TAF5: variants seen among roughly 807,000 people sequenced by gnomAD.
The protein encoded by TAF5 is transcription initiation factor TFIID subunit 5.
A neutral mutation model predicts 80.9 loss-of-function variants in TAF5; 20 were observed. That is an observed-to-expected ratio of 0.25 (90% confidence interval 0.17 to 0.36). TAF5 has a LOEUF of 0.36. Among genes scored for constraint, TAF5 ranks in the 10% least tolerant of loss-of-function variants. TAF5 has a pLI of 1.00. For synonymous variants in TAF5, 388 were observed against 406.4 expected (o/e 0.95, Z 0.55); for missense variants, 863 against 1,029.4 (o/e 0.84, Z 2.21).
chr10:103,368,371 G>A lies in TAF5; in HGVS notation c.382G>A (p.Ala128Thr). The A allele has an allele frequency of 1.3e-6, 2 of 1,562,906 alleles. No homozygotes were observed. The highest frequency in any genetic ancestry group is 1.2e-5 in the South Asian group (1 of 86,540). The part of the protein sequence containing the change: ...REAGLLEEAV[A>T]GSGAPGEVDS... ...GGCCGGGCTGCTGGAGGAGGCAGTG[G>A]CGGGCTCCGGAGCCCCGGGAGAGGT... Residue 128 changes from alanine to threonine, a missense_variant, in exon 1 of 11, where the codon GCG (alanine) becomes ACG (threonine). By Grantham distance (58) the Ala-to-Thr change is moderately conservative. This residue lies in a region of TAF5 where 367 missense variants were observed against 335.5 expected (regional missense o/e 1.09). Coordinates refer to ENST00000369839, the MANE Select transcript of TAF5 (RefSeq NM_006951.5).
chr10:103,368,283 G>C lies in TAF5; in HGVS notation c.294G>C (p.Leu98=). The C allele has an allele frequency of 6.3e-7, 1 of 1,578,198 alleles. No homozygotes were observed. Among genetic ancestry groups the C allele is most frequent in the Non-Finnish European group, 8.5e-7 (1 of 1,171,390 alleles). Residue 98 remains leucine (L), a synonymous_variant, in exon 1 of 11, where the codon CTG becomes CTC. Transcript: ENST00000369839. The part of the protein sequence containing the change: ...AGAPHDRQTL[L]AVLQFLRQSK... ...CTCCGCATGACCGACAGACTCTACT[G>C]GCCGTGCTGCAGTTCCTACGGCAGA...
Position 103,387,625 on chromosome 10 carries a change from T to G in TAF5, c.2112T>G (p.Val704=), listed in dbSNP as rs1043099316. The G allele has an allele frequency of 2.5e-6, 4 of 1,614,158 alleles. No individual in the cohort carries two copies. Among genetic ancestry groups the G allele is most frequent in the Non-Finnish European group, 3.4e-6 (4 of 1,180,028 alleles). ...GGGATATTGGACATGGTTTGATGGT[T>G]GGAGAATTAAAAGGCCACACTGATA... is the stretch of plus-strand genomic sequence containing the variant. ...LLWDIGHGLM[V]GELKGHTDTV... The change falls in exon 10 of 11, where the codon GTT becomes GTG. Residue 704 remains valine, a synonymous_variant. Transcript: ENST00000369839.
Position 103,368,007 on chromosome 10 carries a change from G to A in TAF5, c.18G>A (p.Glu6=). The change falls in exon 1 of 11, where the codon GAG becomes GAA. Residue 6 remains glutamate (E), a synonymous_variant. Coordinates refer to ENST00000369839, the MANE Select transcript of TAF5 (RefSeq NM_006951.5). MAALA[E]EQTEVAVKLE... is the part of the protein sequence containing the mutation. ...GCCGCAAGATGGCGGCGCTGGCGGA[G>A]GAGCAGACGGAGGTGGCGGTCAAGC... 2.1e-6 allele frequency: 3 copies of A among 1,462,066 alleles called. No individual in the cohort carries two copies. The highest frequency in any genetic ancestry group is 2.7e-6 in the Non-Finnish European group (3 of 1,113,736). 90.6% of individuals were successfully genotyped at this position (1,462,066 alleles called of 1,614,324 possible).
intron 1 of TAF5, among the ~76,000 whole-genome samples, chr10:103,369,273 C>T (rs1310507571): frequency 1.3e-5 from 2 of 152,220 alleles, no homozygotes; most frequent in African/African-American, 4.8e-5. Flanking sequence ...GACACCGCGC[C>T]CGGCCGCCAT....
intron 1 of TAF5, among the ~76,000 whole-genome samples, chr10:103,373,140 T>C (rs1236984484): frequency 6.7e-6 from 1 of 149,432 alleles, no homozygotes; most frequent in East Asian, 2.0e-4. Context: ...GAGGTTGCAG[T>C]GAGCCGAGAT....
chr10:103,377,720 A>G (rs956203371), intron 2 of TAF5, among the ~76,000 whole-genome samples: 1 of 152,226 alleles, frequency 6.6e-6, no homozygotes, highest in Non-Finnish European at 1.5e-5. Context: ...AATATAGGAA[A>G]TCATTAAAAA....
chr10:103,387,466 ATT>A (rs1020878324), intron 9 of TAF5, 53 bp from the exon 10 acceptor site: 14 of 1,553,710 alleles, frequency 9.0e-6, no homozygotes, highest in Admixed American at 2.1e-5. Context: ...AAACTTTAAA[ATT>A]TTGTCTTATT....
intron 2 of TAF5, among the ~76,000 whole-genome samples, chr10:103,375,293 T>C (rs2093368021): frequency 6.6e-6 from 1 of 152,026 alleles, no homozygotes; most frequent in East Asian, 1.9e-4. Context: ...AGCACTGGAC[T>C]AGGTTGTGGT....
intron 3 of TAF5, among the ~76,000 whole-genome samples, 154 bp from the exon 4 acceptor site, chr10:103,379,454 A>G (rs964728154): frequency 7.2e-5 from 11 of 152,212 alleles, no homozygotes; most frequent in African/African-American, 2.7e-4. Context: ...GTTAGTAAGG[A>G]AAAAGGGGAG....
intron 5 of TAF5, among the ~76,000 whole-genome samples, 176 bp from the exon 6 acceptor site, chr10:103,381,545 G>T (rs772292508): frequency 3.3e-5 from 5 of 152,170 alleles, no homozygotes; most frequent in Admixed American, 6.5e-5. Context: ...GGGATTACAG[G>T]CATGAGCCAG....
At chr10:103,370,526 A>G (rs1201711788) in intron 1 of TAF5, among the ~76,000 whole-genome samples, 1 of 151,634 alleles carries the variant, frequency 6.6e-6, no homozygotes, top group Non-Finnish European at 1.5e-5. Flanking sequence ...ACGGGGTTTC[A>G]CCGTGGTAGC....
chr10:103,377,048 C>T (rs929741428), intron 2 of TAF5, among the ~76,000 whole-genome samples: 5 of 152,112 alleles, frequency 3.3e-5, no homozygotes, highest in South Asian at 2.1e-4. Flanking sequence ...CCTAGCTACT[C>T]GGGAGACTGA....
intron 9 of TAF5, 45 bp downstream of exon 9, chr10:103,387,397 AATAAAAAT>A (rs781771113): frequency 4.9e-5 from 76 of 1,563,130 alleles, no homozygotes; most frequent in Non-Finnish European, 6.1e-5. Context: ...TTGCTTTCAA[AATAAAAAT>A]ATTTTTTAAA....
At position 103,368,380 on chromosome 10, in the gene TAF5, G is replaced by A; in HGVS notation, c.391G>A (p.Gly131Arg). Residue 131 changes from glycine to arginine, a missense_variant, in exon 1 of 11, where the codon GGA becomes AGA. Gly to Arg is a moderately radical substitution (Grantham distance 125). Transcript: ENST00000369839. ...GLLEEAVAGSGAPGEVDSAGA... is the reference protein window; with the variant it reads ...GLLEEAVAGSRAPGEVDSAGA... Reference sequence around the variant, plus strand: ...GCTGGAGGAGGCAGTGGCGGGCTCCGGAGCCCCGGGAGAGGTGGACAGCGC... The same window carrying A: ...GCTGGAGGAGGCAGTGGCGGGCTCCAGAGCCCCGGGAGAGGTGGACAGCGC... 6.4e-7 allele frequency: 1 copy of A among 1,556,976 alleles called. No individual in the cohort carries two copies. The highest frequency in any genetic ancestry group is 2.3e-5 in the East Asian group (1 of 43,036).
chr10:103,379,819 T>A (rs1041840911), intron 4 of TAF5, 48 bp downstream of exon 4: 1 of 1,595,078 alleles, frequency 6.3e-7, no homozygotes, highest in East Asian at 2.2e-5. Flanking sequence ...TAAGACAACA[T>A]GTTATATAGA....
intron 1 of TAF5, 43 bp downstream of exon 1, chr10:103,368,591 G>T: frequency 6.9e-7 from 1 of 1,449,610 alleles, no homozygotes; most frequent in South Asian, 1.4e-5. Flanking sequence ...CCGCGAAGGG[G>T]AGCAAGCCGG....
chr10:103,384,890 T>G (rs1017000295), intron 7 of TAF5, among the ~76,000 whole-genome samples: 20 of 152,354 alleles, frequency 1.3e-4, no homozygotes, highest in African/African-American at 4.3e-4. Context: ...ATTTCCTTTT[T>G]AATTCTTACA....
chr10:103,383,858 G>A (rs1360869813), intron 7 of TAF5, among the ~76,000 whole-genome samples: 2 of 151,974 alleles, frequency 1.3e-5, no homozygotes, highest in African/African-American at 4.8e-5. Flanking sequence ...GATTACAGGC[G>A]TGAGCCACTG....
intron 1 of TAF5, among the ~76,000 whole-genome samples, chr10:103,371,197 C>T (rs907779658): frequency 6.8e-6 from 1 of 146,060 alleles, no homozygotes; most frequent in African/African-American, 2.6e-5. Flanking sequence ...GAGCTGAGAT[C>T]AAGCCATTGT....
Sources: gnomAD v4.1 joint callset for allele counts (sites outside exome capture counted in the v4.1 genomes callset) on GRCh38, gnomAD v4.1.1 for gene constraint, gnomAD v4.1.1 regional missense constraint, MANE v1.5 for transcripts, NCBI Gene and HGNC (gene_info 2026-07-23, HGNC 2026-07-21) for gene names.